GRIA1: variants seen among roughly 807,000 people sequenced by gnomAD.
GRIA1 encodes glutamate ionotropic receptor AMPA type subunit 1, also known as glutamate receptor 1.
Under a neutral mutation model 99.2 loss-of-function variants are expected in GRIA1, and 31 were observed. The ratio of observed to expected loss-of-function variants is 0.31; its 90% CI spans 0.23 to 0.42. The LOEUF is 0.42. GRIA1 is among the 10% of genes least tolerant of loss of function. The pLI is 1.00. For synonymous variants in GRIA1, 438 were observed against 432.4 expected (o/e 1.01, Z -0.16); for missense variants, 782 against 1,157.5 (o/e 0.68, Z 4.71).
chr5:153,758,868 A>G (rs1467213675), intron 11 of GRIA1, among the ~76,000 whole-genome samples: 1 of 152,000 alleles, frequency 6.6e-6, no homozygotes. Context: ...ACAAATTTTT[A>G]AAAATCAAAA....
At chr5:153,516,700 C>T (rs537879063) in intron 2 of GRIA1, among the ~76,000 whole-genome samples, 1 of 152,150 alleles carries the variant, frequency 6.6e-6, no homozygotes, top group African/African-American at 2.4e-5. Flanking sequence ...GTCCAGATCT[C>T]CCTTCACGAG....
intron 2 of GRIA1, among the ~76,000 whole-genome samples, chr5:153,557,211 G>A (rs2149348271): frequency 6.6e-6 from 1 of 151,758 alleles, no homozygotes; most frequent in Admixed American, 6.6e-5. Flanking sequence ...CTACTATAGA[G>A]TTTATAAACA....
At chr5:153,760,121 C>T (rs60646498) in intron 11 of GRIA1, among the ~76,000 whole-genome samples, 1 of 152,006 alleles carries the variant, frequency 6.6e-6, no homozygotes, top group African/African-American at 2.4e-5. Context: ...AGCTTTTCCC[C>T]TAAGATATGG....
chr5:153,812,773 T>A lies in GRIA1; in HGVS notation c.*1548T>A, dbSNP rs1411037521. The A allele has an allele frequency of 6.6e-6, 1 of 152,258 alleles. No individual in the cohort carries two copies. The highest frequency in any genetic ancestry group is 2.4e-5 in the African/African-American group (1 of 41,456). The allele number at this position is 152,258 out of a possible 1,614,324, so 9.4% of individuals were successfully genotyped here. ...GAAGTGAGAATCCCTGACATATAGC[T>A]TTCTTGGAGATCCCAACTCTCATTC... On this transcript the variant is annotated 3_prime_UTR_variant, in exon 16 of 16. Coordinates refer to ENST00000285900, the MANE Select transcript of GRIA1 (RefSeq NM_000827.4).
chr5:153,686,104 A>T, intron 7 of GRIA1, 121 bp from the exon 8 acceptor site: 1 of 744,670 alleles, frequency 1.3e-6, no homozygotes, highest in Non-Finnish European at 2.4e-6. Context: ...AGCATTCAGG[A>T]TACTCCAAGA....
rs550823704 is a variant in GRIA1, at chr5:153,598,950, C to T, written c.221-47978C>T. Among the ~76,000 whole-genome samples, 79 of 152,260 alleles carry T rather than the reference C, an allele frequency of 5.2e-4. 1 individual carries two copies. The highest frequency in any genetic ancestry group is 3.4e-3 in the Middle Eastern group (1 of 292). On this transcript the variant is annotated intron_variant, in intron 2 of 15. Transcript: ENST00000285900. ...AGGCTGGAGTACAGTGGCACAATCT[C>T]GGCTCACCGCAAGCTCCACCTCCCA...
At chr5:153,704,865 GT>G (rs1298943903) in intron 10 of GRIA1, among the ~76,000 whole-genome samples, 1 of 152,192 alleles carries the variant, frequency 6.6e-6, no homozygotes, top group African/African-American at 2.4e-5. Flanking sequence ...TTGGAAAATT[GT>G]TTGTGTGTTT....
chr5:153,675,094 G>A (rs913245065), intron 6 of GRIA1, among the ~76,000 whole-genome samples: 2 of 152,206 alleles, frequency 1.3e-5, no homozygotes, highest in Admixed American at 1.3e-4. Context: ...ATGAAGAACT[G>A]TTTTCAGAAG....
intron 2 of GRIA1, among the ~76,000 whole-genome samples, chr5:153,508,744 C>A (rs1755777535): frequency 6.6e-6 from 1 of 152,088 alleles, no homozygotes; most frequent in Admixed American, 6.5e-5. Flanking sequence ...TGCTGCATAA[C>A]AAATAACATC....
intron 3 of GRIA1, among the ~76,000 whole-genome samples, chr5:153,647,978 C>T (rs1754282379): frequency 6.6e-6 from 1 of 152,180 alleles, no homozygotes; most frequent in Admixed American, 6.5e-5. Context: ...TTGTACTGTC[C>T]TACCTTCTCA....
At chr5:153,665,450 G>A (rs1343124200) in intron 5 of GRIA1, among the ~76,000 whole-genome samples, 1 of 152,184 alleles carries the variant, frequency 6.6e-6, no homozygotes, top group African/African-American at 2.4e-5. Flanking sequence ...TTTAATTAGA[G>A]GGAACCAGAC....
At chr5:153,526,477 A>T (rs1757610218) in intron 2 of GRIA1, among the ~76,000 whole-genome samples, 1 of 152,232 alleles carries the variant, frequency 6.6e-6, no homozygotes, top group South Asian at 2.1e-4. Flanking sequence ...GTTGTGTTTT[A>T]AAACAACTTA....
intron 7 of GRIA1, among the ~76,000 whole-genome samples, chr5:153,680,986 A>G (rs1280449293): frequency 2.6e-4 from 39 of 152,230 alleles, no homozygotes; most frequent in Non-Finnish European, 2.9e-5. Context: ...GTCCATGTGC[A>G]TTGTTATAAA....
chr5:153,489,785 G>A (rs1430793890), upstream of GRIA1: 2 of 456,628 alleles, frequency 4.4e-6, no homozygotes, highest in South Asian at 3.1e-5. Flanking sequence ...CCTGAAAGAA[G>A]CTTGAATCCT....
chr5:153,575,717 T>C (rs1762474900), intron 2 of GRIA1, among the ~76,000 whole-genome samples: 1 of 152,160 alleles, frequency 6.6e-6, no homozygotes, highest in Non-Finnish European at 1.5e-5. Context: ...TTTCCCATGA[T>C]CTGGACCCAA....
chr5:153,531,589 C>T (rs1468776478), intron 2 of GRIA1, among the ~76,000 whole-genome samples: 1 of 152,120 alleles, frequency 6.6e-6, no homozygotes, highest in Admixed American at 6.6e-5. Flanking sequence ...CAAGGAAGAG[C>T]TTATATTTAG....
intron 5 of GRIA1, among the ~76,000 whole-genome samples, chr5:153,673,748 A>T (rs956173171): frequency 6.6e-6 from 1 of 152,252 alleles, no homozygotes; most frequent in African/African-American, 2.4e-5. Flanking sequence ...CACATTATTG[A>T]ATATATTATA....
At chr5:153,540,228 G>A (rs1758947308) in intron 2 of GRIA1, among the ~76,000 whole-genome samples, 1 of 152,208 alleles carries the variant, frequency 6.6e-6, no homozygotes, top group African/African-American at 2.4e-5. Context: ...CTGCAGAAAG[G>A]CTTAGCGAGA....
intron 3 of GRIA1, among the ~76,000 whole-genome samples, chr5:153,647,718 A>C (rs567718503): frequency 4.6e-5 from 7 of 152,306 alleles, no homozygotes; most frequent in South Asian, 4.1e-4. Flanking sequence ...CATCATCATC[A>C]TCCTCCTCAT....
Sources: allele counts gnomAD v4.1 joint callset (sites outside exome capture counted in the v4.1 genomes callset), GRCh38; gene constraint gnomAD v4.1.1; transcripts MANE v1.5; gene names NCBI Gene and HGNC (gene_info 2026-07-23, HGNC 2026-07-21).